SECISBP2L: variants seen among roughly 807,000 people sequenced by gnomAD.
The protein encoded by SECISBP2L is SECIS binding protein 2 like.
In SECISBP2L, 43 loss-of-function variants were observed where a neutral mutation model predicts 114.7. The observed-to-expected ratio is 0.38, with a 90% CI of 0.29 to 0.48. SECISBP2L has a LOEUF of 0.48. Ranked by LOEUF, SECISBP2L falls within the 20% of genes least tolerant of loss-of-function variation. The pLI is 0.98. For missense variants in SECISBP2L, 1,136 were observed against 1,301.1 expected (o/e 0.87, Z 1.95); for synonymous variants, 451 against 439.7 (o/e 1.03, Z -0.32).
At position 49,031,324 on chromosome 15, in the gene SECISBP2L, C is replaced by G. The variant is rs541445259; in HGVS notation, c.664+1641G>C. 2.5e-3 allele frequency among the ~76,000 whole-genome samples: 379 copies of G among 152,280 alleles called. 3 individuals carry two copies. The highest frequency in any genetic ancestry group is 3.7e-3 in the Non-Finnish European group (250 of 68,034). On this transcript the variant is annotated intron_variant, in intron 4 of 17. Transcript: ENST00000559471. ...TCGGCCTCCCAAAATGCTGGGATTACAGGCATGAGCCACGGCGCTCAGCCT... is the reference window on the plus strand; with the variant it reads ...TCGGCCTCCCAAAATGCTGGGATTAGAGGCATGAGCCACGGCGCTCAGCCT...
intron 14 of SECISBP2L, among the ~76,000 whole-genome samples, chr15:49,003,487 C>G (rs1350181604): frequency 6.6e-6 from 1 of 152,130 alleles, no homozygotes; most frequent in Non-Finnish European, 1.5e-5. Context: ...TGAATAGGAG[C>G]AGTGAGAGAG....
chr15:49,012,520 C>G (rs1902456011), intron 12 of SECISBP2L, 128 bp downstream of exon 12: 4 of 924,760 alleles, frequency 4.3e-6, no homozygotes, highest in Middle Eastern at 3.3e-4. Context: ...ACATTATCGT[C>G]AAGATTCATG....
intron 1 of SECISBP2L, chr15:49,042,659 T>C (rs1903165572): frequency 6.6e-6 from 1 of 152,240 alleles, no homozygotes; most frequent in African/African-American, 2.4e-5. Context: ...AGGTTTTTCA[T>C]ATGTGGTATT....
intron 6 of SECISBP2L, among the ~76,000 whole-genome samples, chr15:49,027,768 CCAGTT>C (rs943109307): frequency 6.6e-6 from 1 of 152,076 alleles, no homozygotes; most frequent in Non-Finnish European, 1.5e-5. Flanking sequence ...ACCACCACGT[CCAGTT>C]AACTTTTTTG....
chr15:48,992,290 A>G lies in SECISBP2L; in HGVS notation c.3260T>C (p.Leu1087Pro). 2 of 1,612,386 alleles carry G rather than the reference A, an allele frequency of 1.2e-6. No homozygotes were observed. Among genetic ancestry groups the G allele is most frequent in the Non-Finnish European group, 1.7e-6 (2 of 1,179,502 alleles). Residue 1087 changes from leucine to proline, a missense_variant, in exon 18 of 18, where the codon CTC becomes CCC. Coordinates refer to ENST00000559471, the MANE Select transcript of SECISBP2L (RefSeq NM_001193489.2). ...ATTAGAATCAGAGTGCTCTTTGTTG[A>G]GCGAGCTGCAGTTGCTGGACTTCTG... ...GQQKSSNCSS[L>P]NKEHSDSNYT...
At chr15:49,010,336 G>A (rs1902413085) in intron 13 of SECISBP2L, among the ~76,000 whole-genome samples, 1 of 151,596 alleles carries the variant, frequency 6.6e-6, no homozygotes, top group Non-Finnish European at 1.5e-5. Flanking sequence ...TCTCTTATTT[G>A]GTCTTTGCTT....
At chr15:49,045,183 T>TA (rs1566865602) in intron 1 of SECISBP2L, among the ~76,000 whole-genome samples, 41 of 151,514 alleles carry the variant, frequency 2.7e-4, no homozygotes, top group East Asian at 1.9e-3. Flanking sequence ...AAGCTTTTTT[T>TA]TAAAAAAAAA....
chr15:49,011,026 TAAAC>T (rs1242512741), intron 13 of SECISBP2L, among the ~76,000 whole-genome samples: 1 of 152,184 alleles, frequency 6.6e-6, no homozygotes, highest in Non-Finnish European at 1.5e-5. Flanking sequence ...AACAGAACCC[TAAAC>T]AAACATGTCC....
chr15:49,026,339 T>C (rs933240100), intron 7 of SECISBP2L, among the ~76,000 whole-genome samples: 18 of 152,136 alleles, frequency 1.2e-4, no homozygotes, highest in African/African-American at 4.3e-4. Context: ...TAACAATAAT[T>C]TAATGTTTAT....
chr15:49,007,121 C>T (rs968255949), intron 14 of SECISBP2L, among the ~76,000 whole-genome samples: 1 of 152,176 alleles, frequency 6.6e-6, no homozygotes, highest in South Asian at 2.1e-4. Flanking sequence ...GTATCACCAG[C>T]GGAGGCTACA....
At chr15:49,040,815 A>C (rs920465425) in intron 1 of SECISBP2L, among the ~76,000 whole-genome samples, 1 of 151,492 alleles carries the variant, frequency 6.6e-6, no homozygotes, top group African/African-American at 2.4e-5. Flanking sequence ...TGGGATTACA[A>C]GCGTGAGCCA....
chr15:48,996,092 T>C (rs1902079672), intron 17 of SECISBP2L: 3 of 351,528 alleles, frequency 8.5e-6, no homozygotes, highest in Non-Finnish European at 1.6e-5. Context: ...GTTTAGTTAG[T>C]GATAGGTCAC....
chr15:48,992,289 G>C lies in SECISBP2L; in HGVS notation c.3261C>G (p.Leu1087=). ...AATTAGAATCAGAGTGCTCTTTGTT[G>C]AGCGAGCTGCAGTTGCTGGACTTCT... ...GQQKSSNCSS[L]NKEHSDSNYT... is the part of the protein sequence containing the mutation. Residue 1087 remains leucine (L), a synonymous_variant, in exon 18 of 18, where the codon CTC becomes CTG. Coordinates refer to ENST00000559471, the MANE Select transcript of SECISBP2L (RefSeq NM_001193489.2). 1 of 1,612,510 alleles carries C rather than the reference G, an allele frequency of 6.2e-7. No homozygotes were observed.
chr15:49,019,468 A>G lies in SECISBP2L; in HGVS notation c.1120T>C (p.Ser374Pro). The part of the protein sequence containing the change: ...QKRPDNKHLS[S>P]SQSHRSDPNS... ...GGATCGCTTCTATGGGATTGACTAG[A>G]GCTTAAATGCTTATTATCTGGTCTC... Residue 374 changes from serine to proline, a missense_variant, in exon 8 of 18, where the codon TCT becomes CCT. Ser to Pro is a moderately conservative substitution (Grantham distance 74, BLOSUM62 -1). Transcript: ENST00000559471. 2.7e-6 allele frequency: 4 copies of G among 1,506,780 alleles called. No individual in the cohort carries two copies. The highest frequency in any genetic ancestry group is 3.5e-6 in the Non-Finnish European group (4 of 1,135,148). The allele number at this position is 1,506,780 out of a possible 1,614,324, so 93.3% of individuals were successfully genotyped here. A position where few individuals can be genotyped will look rare whatever the true frequency, so the allele number is the denominator to read the frequency against.
At chr15:49,000,073 G>T in intron 15 of SECISBP2L, 86 bp from the exon 16 acceptor site, 2 of 1,405,714 alleles carry the variant, frequency 1.4e-6, no homozygotes, top group Non-Finnish European at 2.0e-6. Flanking sequence ...ATAAAACATC[G>T]CAGCAAAGAA....
intron 6 of SECISBP2L, 41 bp from the exon 7 acceptor site, chr15:49,027,521 A>G: frequency 7.5e-7 from 1 of 1,333,996 alleles, no homozygotes; most frequent in Non-Finnish European, 1.0e-6. Flanking sequence ...TACTTATAAA[A>G]GGTAGGAAAA....
chr15:49,027,860 C>T (rs1327511169), intron 6 of SECISBP2L, among the ~76,000 whole-genome samples: 1 of 152,132 alleles, frequency 6.6e-6, no homozygotes, highest in African/African-American at 2.4e-5. Flanking sequence ...CCACCCACCT[C>T]GGCCTCCCAA....
chr15:49,039,617 C>T (rs1903082977), intron 1 of SECISBP2L, among the ~76,000 whole-genome samples: 1 of 150,826 alleles, frequency 6.6e-6, no homozygotes, highest in Non-Finnish European at 1.5e-5. Flanking sequence ...TCATTGCAGC[C>T]TCAATCTCCT....
In SECISBP2L at chr15:49,005,772, T is replaced by C. The variant is rs373201253; in HGVS notation, c.2027+3444A>G. ...TTCACATTTACAATTAATATTGTTA[T>C]GTGTGAATCTGATCCTGTCATTATG... On this transcript the variant is annotated intron_variant, in intron 14 of 17. Transcript: ENST00000559471. Among the ~76,000 whole-genome samples the C allele has an allele frequency of 2.0e-5, 3 of 152,132 alleles. No individual in the cohort carries two copies. The East Asian group carries it at 5.8e-4, about 29-fold the overall frequency.
Sources: allele counts gnomAD v4.1 joint callset (sites outside exome capture counted in the v4.1 genomes callset), GRCh38; gene constraint gnomAD v4.1.1; transcripts MANE v1.5; gene names NCBI Gene and HGNC (gene_info 2026-07-23, HGNC 2026-07-21).